PRH1: variants seen among roughly 807,000 people sequenced by gnomAD.
PRH1 encodes salivary acidic proline-rich phosphoprotein 1/2.
In PRH1, 7 loss-of-function variants were observed where a neutral mutation model predicts 7.9. The ratio of observed to expected loss-of-function variants is 0.89; its 90% CI spans 0.50 to 1.67. The LOEUF (loss-of-function observed/expected upper bound fraction) is 1.67. Ranked by LOEUF, PRH1 falls within the 40% of genes most tolerant of loss-of-function variation. PRH1 has a pLI of 0.00. For missense variants in PRH1, 109 were observed against 223.6 expected (o/e 0.49, Z 3.27); for synonymous variants, 45 against 80.8 (o/e 0.56, Z 2.38).
At chr12:10,888,200 G>A (rs1949522056), upstream of PRH1, among the ~76,000 whole-genome samples, 1 of 152,020 alleles carries the variant, frequency 6.6e-6, no homozygotes, top group South Asian at 2.1e-4. Flanking sequence ...ATGACCTTAT[G>A]GTTACATTGA....
intron 1 of PRH1, among the ~76,000 whole-genome samples, chr12:11,159,889 T>A (rs1947362310): frequency 6.6e-6 from 1 of 152,216 alleles, no homozygotes; most frequent in South Asian, 2.1e-4. Flanking sequence ...ACTCCGGTAC[T>A]AAACCAAATT....
intron 2 of PRH1, among the ~76,000 whole-genome samples, chr12:10,905,210 A>G (rs529160561): frequency 5.3e-5 from 8 of 151,834 alleles, no homozygotes; most frequent in Non-Finnish European, 7.4e-5. Flanking sequence ...TTTTGGTCTA[A>G]TCCATTTTTT....
chr12:11,111,957 A>AT (rs71051567), intron 1 of PRH1, among the ~76,000 whole-genome samples: 1 of 151,736 alleles, frequency 6.6e-6, no homozygotes, highest in African/African-American at 2.4e-5. Context: ...ACAATAAAAA[A>AT]TAATAAAGGA....
intron 1 of PRH1, among the ~76,000 whole-genome samples, chr12:11,086,398 TATTTA>T (rs200127707): frequency 0.37 from 39,803 of 107,542 alleles, 5,801 homozygotes; most frequent in Non-Finnish European, 0.47. Context: ...TATTTTTCCC[TATTTA>T]ATTTATTTTT....
intron 2 of PRH1, among the ~76,000 whole-genome samples, chr12:10,949,757 T>C (rs752081282): frequency 6.6e-6 from 1 of 152,150 alleles, no homozygotes. Flanking sequence ...TTATCTCCCA[T>C]GTTTACTACA....
chr12:11,091,697 G>C lies in PRH1; in HGVS notation n.124-44509C>G. ...TACTAAGTTTGCTACCATGGTTACA[G>C]TCATATTTGAAAAGTACATTGCACT... On this transcript the variant is annotated intron_variant and non_coding_transcript_variant, in intron 1 of 4. Transcript: ENST00000541977. 1.6e-6 allele frequency: 2 copies of C among 1,258,788 alleles called. 1 individual carries two copies. Among genetic ancestry groups the C allele is most frequent in the Non-Finnish European group, 2.3e-6 (2 of 887,442 alleles). 78.0% of individuals were successfully genotyped at this position (1,258,788 alleles called of 1,614,324 possible).
At chr12:11,021,926 A>T (rs1190016717) in intron 1 of PRH1, 1 of 1,614,210 alleles carries the variant, frequency 6.2e-7, no homozygotes, top group Admixed American at 1.7e-5. Flanking sequence ...GGATCTTGAG[A>T]TCCTTTGCTA....
chr12:10,908,931 T>C, intron 2 of PRH1: 1 of 1,613,338 alleles, frequency 6.2e-7, no homozygotes, highest in South Asian at 1.1e-5. Flanking sequence ...TACTCTCCAC[T>C]TCAAATAGAG....
At chr12:11,119,040 C>CAT (rs1288137384), downstream of PRH1, among the ~76,000 whole-genome samples, 4 of 142,794 alleles carry the variant, frequency 2.8e-5, no homozygotes, top group African/African-American at 1.0e-4. Context: ...GAATGTGGTA[C>CAT]ATATACACAG....
intron 1 of PRH1, among the ~76,000 whole-genome samples, chr12:11,060,811 A>G (rs970871559): frequency 1.3e-5 from 2 of 152,260 alleles, no homozygotes; most frequent in Non-Finnish European, 2.9e-5. Flanking sequence ...CTAAACATAA[A>G]ATAGGAATTC....
At chr12:11,029,961 T>A (rs1247109800) in intron 1 of PRH1, among the ~76,000 whole-genome samples, 1 of 152,222 alleles carries the variant, frequency 6.6e-6, no homozygotes, top group Non-Finnish European at 1.5e-5. Context: ...AAGCAATGAA[T>A]TCTAAGCACA....
chr12:11,038,295 A>T (rs780744395), intron 1 of PRH1, among the ~76,000 whole-genome samples: 1 of 152,238 alleles, frequency 6.6e-6, no homozygotes, highest in Admixed American at 6.5e-5. Context: ...GTTAACATGG[A>T]TGTTACCACA....
intron 2 of PRH1, among the ~76,000 whole-genome samples, chr12:10,952,211 G>C (rs11054082): frequency 0.23 from 35,674 of 152,062 alleles, 4,260 homozygotes; most frequent in Non-Finnish European, 0.25. Context: ...TTGAATAGAT[G>C]TAATAGGTTC....
chr12:11,050,024 C>T (rs1414117839), upstream of PRH1, among the ~76,000 whole-genome samples: 2 of 152,180 alleles, frequency 1.3e-5, no homozygotes, highest in African/African-American at 4.8e-5. Context: ...ATATTCCACT[C>T]AGGGTTGTCA....
At chr12:11,153,568 G>A (rs781444151) in intron 1 of PRH1, among the ~76,000 whole-genome samples, 2 of 152,046 alleles carry the variant, frequency 1.3e-5, no homozygotes, top group Non-Finnish European at 2.9e-5. Context: ...TCCTCCCCTC[G>A]CTGAGAAGGT....
rs190415347 is a variant in PRH1, at chr12:10,895,441, C to A, written c.-58-11166G>T. On this transcript the variant is annotated intron_variant, in intron 2 of 3. Coordinates refer to the PRH1 transcript ENST00000539853. ...TTAAACTATTAATTATTATTTCCTT[C>A]AGAATGGAAGTTGTGCAGAAAGAGA... 464 of 152,282 alleles carry A rather than the reference C, an allele frequency of 3.0e-3. 3 individuals carry two copies. Among genetic ancestry groups the A allele is most frequent in the African/African-American group, 0.011 (442 of 41,550 alleles). 9.4% of individuals were successfully genotyped at this position (152,282 alleles called of 1,614,324 possible).
chr12:11,086,644 T>A (rs1303748280), intron 1 of PRH1, among the ~76,000 whole-genome samples: 2 of 143,734 alleles, frequency 1.4e-5, no homozygotes, highest in African/African-American at 5.1e-5. Flanking sequence ...CCGGGTGCGG[T>A]GGCTCAGGCC....
intron 1 of PRH1, among the ~76,000 whole-genome samples, chr12:11,039,920 C>T (rs1942636226): frequency 6.6e-6 from 1 of 152,204 alleles, no homozygotes; most frequent in African/African-American, 2.4e-5. Context: ...GGGACATCAT[C>T]CAGGTAGAAA....
rs566193667 is a variant in PRH1 at position 11,127,840 on chromosome 12, C to T, written n.40-6660G>A. Among the ~76,000 whole-genome samples the T allele has an allele frequency of 6.3e-5, 8 of 127,080 alleles. No homozygotes were observed. In the South Asian group the frequency reaches 1.1e-3, roughly 17 times the overall value. 83.4% of individuals were successfully genotyped at this position (127,080 alleles called of 152,430 possible). ...CAACTATTTTGGCCGGACACGGTGG[C>T]TCACGCCTGTAATCCCAGCATTTTG... On this transcript the variant is annotated intron_variant and non_coding_transcript_variant, in intron 1 of 1. Coordinates refer to the PRH1 transcript ENST00000541175.
Sources: gnomAD v4.1 joint callset for allele counts (sites outside exome capture counted in the v4.1 genomes callset) on GRCh38, gnomAD v4.1.1 for gene constraint, MANE v1.5 for transcripts, NCBI Gene and HGNC (gene_info 2026-07-23, HGNC 2026-07-21) for gene names.